MAP3K15: variants seen among roughly 807,000 people sequenced by gnomAD.
MAP3K15 encodes the protein MAPK/ERK kinase kinase 15.
MAP3K15 carries 124 observed loss-of-function variants against 99.5 expected under a neutral mutation model. That is an observed-to-expected ratio of 1.25 (90% confidence interval 1.08 to 1.45). The LOEUF (loss-of-function observed/expected upper bound fraction) is 1.45. Ranked by LOEUF, MAP3K15 falls within the 40% of genes most tolerant of loss-of-function variation. The pLI is 0.00. For synonymous variants in MAP3K15, 494 were observed against 439.6 expected, an observed-to-expected ratio of 1.12 and a Z score of -1.55; for missense variants, 1,242 against 1,079.7, an observed-to-expected ratio of 1.15 and a Z score of -2.11.
At chrX:19,490,180 C>CACACACAT (rs1478553894) in intron 1 of MAP3K15, among the ~76,000 whole-genome samples, 37 of 95,119 alleles carry the variant, frequency 3.9e-4, no homozygotes, top group Admixed American at 2.2e-4. Context: ...CACACACACA[C>CACACACAT]ACACATACAT....
chrX:19,367,036 C>CAT (rs1305562507), intron 25 of MAP3K15, among the ~76,000 whole-genome samples: 1 of 112,007 alleles, frequency 8.9e-6, no homozygotes, highest in Non-Finnish European at 1.9e-5. Context: ...GATACATGCA[C>CAT]ATATATGTTC....
chrX:19,402,749 C>T (rs964964786), intron 13 of MAP3K15, among the ~76,000 whole-genome samples: 4 of 111,435 alleles, frequency 3.6e-5, no homozygotes, highest in Non-Finnish European at 5.7e-5. Context: ...ACTGCAGTCT[C>T]GACCTCACAG....
rs1417760663 is a variant in MAP3K15, at chrX:19,454,940, A to C, written c.995+1973T>G. The stretch of plus-strand genomic sequence containing the variant: ...CTCAAAAAGTTTTGGATTTAGGAGC[A>C]CTTTTCAATTCAGATTTTCAGATTA... On this transcript the variant is annotated intron_variant, in intron 6 of 28. Coordinates refer to ENST00000338883, the MANE Select transcript of MAP3K15 (RefSeq NM_001001671.4). Among the ~76,000 whole-genome samples the C allele has an allele frequency of 6.2e-5, 7 of 112,074 alleles. No individual in the cohort carries two copies. In the South Asian group the frequency reaches 1.1e-3, roughly 18 times the overall value.
At chrX:19,414,680 A>G (rs1310441111) in intron 10 of MAP3K15, among the ~76,000 whole-genome samples, 1 of 112,443 alleles carries the variant, frequency 8.9e-6, no homozygotes, top group Non-Finnish European at 1.9e-5. Context: ...GTGGTGCTAC[A>G]TTGTTTTAGA....
intron 18 of MAP3K15, among the ~76,000 whole-genome samples, chrX:19,387,969 G>A (rs2063503468): frequency 8.9e-6 from 1 of 111,879 alleles, no homozygotes; most frequent in Non-Finnish European, 1.9e-5. Flanking sequence ...CCCACAGCAC[G>A]CAAAGCCAGC....
chrX:19,365,176 T>C (rs1010020784), intron 25 of MAP3K15, among the ~76,000 whole-genome samples: 8 of 106,902 alleles, frequency 7.5e-5, no homozygotes, highest in African/African-American at 2.7e-4. Flanking sequence ...ACCACTGCAC[T>C]CTAGCCTGGG....
Position 19,464,336 on chromosome X carries a change from C to T in MAP3K15, c.596G>A (p.Ser199Asn), listed in dbSNP as rs55916006. 5.7e-3 allele frequency: 6,831 copies of T among 1,196,954 alleles called. 24 individuals are homozygous for T. Among genetic ancestry groups the T allele is most frequent in the Middle Eastern group, 9.9e-3 (43 of 4,346 alleles). ...TPCADYFCCE[S>N]DAQRRASEYM... ...CTCGGAGGCTCGTCTCTGGGCATCA[C>T]TCTCGCAGCAAAAATAATCAGCGCA... The change falls in exon 4 of 29, where the codon AGT becomes AAT. Residue 199 changes from serine to asparagine, a missense_variant. By Grantham distance (46) the Ser-to-Asn change is conservative. Coordinates refer to ENST00000338883, the MANE Select transcript of MAP3K15 (RefSeq NM_001001671.4).
At chrX:19,432,343 C>G (rs995502908) in intron 6 of MAP3K15, among the ~76,000 whole-genome samples, 1 of 110,537 alleles carries the variant, frequency 9.0e-6, no homozygotes, top group Non-Finnish European at 1.9e-5. Flanking sequence ...GCGGGTGGAT[C>G]ACTTAAGGTC....
At chrX:19,376,908 A>G (rs2063422410) in intron 19 of MAP3K15, 1 of 111,712 alleles carries the variant, frequency 9.0e-6, no homozygotes, top group African/African-American at 3.3e-5. Context: ...AAAGAAAAAA[A>G]AAAAGTCCAA....
intron 20 of MAP3K15, 136 bp from the exon 21 acceptor site, chrX:19,373,831 G>A (rs2063398721): frequency 3.0e-6 from 2 of 659,262 alleles, no homozygotes; most frequent in African/African-American, 2.2e-5. Context: ...TTGGGCGGGG[G>A]ACGGGCCACA....
Position 19,438,637 on chromosome X carries a change from C to T in MAP3K15, c.996-7029G>A, listed in dbSNP as rs188842159. Among the ~76,000 whole-genome samples the T allele has an allele frequency of 4.5e-3, 505 of 111,807 alleles. 3 individuals are homozygous for T. The highest frequency in any genetic ancestry group is 0.016 in the African/African-American group (487 of 30,795). Reference sequence around the variant, plus strand: ...TGACTTGCCATCAACCATCCTGTCTCCCTGGCCCTCTTTTCTATACTGTGT... The same window carrying T: ...TGACTTGCCATCAACCATCCTGTCTTCCTGGCCCTCTTTTCTATACTGTGT... On this transcript the variant is annotated intron_variant, in intron 6 of 28. Coordinates refer to ENST00000338883, the MANE Select transcript of MAP3K15 (RefSeq NM_001001671.4).
intron 13 of MAP3K15, among the ~76,000 whole-genome samples, chrX:19,402,142 T>A (rs900359582): frequency 4.8e-5 from 5 of 104,362 alleles, no homozygotes; most frequent in Non-Finnish European, 7.8e-5. Context: ...TTTTTTTTTT[T>A]AAATTAGCCA....
At chrX:19,426,402 G>C (rs1184319056) in intron 7 of MAP3K15, 59 bp from the exon 8 acceptor site, 1 of 689,358 alleles carries the variant, frequency 1.5e-6, no homozygotes, top group Non-Finnish European at 2.0e-6. Context: ...TTTAAATAAT[G>C]GTATAAACCA....
At chrX:19,461,065 C>T (rs776220024) in intron 4 of MAP3K15, among the ~76,000 whole-genome samples, 8 of 111,757 alleles carry the variant, frequency 7.2e-5, no homozygotes, top group African/African-American at 2.6e-4. Context: ...CTGCAAGCTC[C>T]GCCTCCTGGG....
At chrX:19,383,965 T>C (rs768142213) in intron 18 of MAP3K15, among the ~76,000 whole-genome samples, 25 of 111,808 alleles carry the variant, frequency 2.2e-4, no homozygotes, top group Non-Finnish European at 4.3e-4. Context: ...TATCATAGGA[T>C]CCGGCAACCC....
At chrX:19,467,344 C>A (rs2064175549) in intron 3 of MAP3K15, among the ~76,000 whole-genome samples, 1 of 110,486 alleles carries the variant, frequency 9.1e-6, no homozygotes, top group African/African-American at 3.3e-5. Flanking sequence ...GAAGACCAGG[C>A]CACCAACATT....
At chrX:19,371,920 G>A (rs1232738706) in intron 22 of MAP3K15, among the ~76,000 whole-genome samples, 2 of 111,037 alleles carry the variant, frequency 1.8e-5, no homozygotes, top group African/African-American at 6.6e-5. Flanking sequence ...ATCACCTGAG[G>A]TCAGGAGTTC....
At chrX:19,487,990 T>C (rs1227312251) in intron 2 of MAP3K15, among the ~76,000 whole-genome samples, 1 of 110,870 alleles carries the variant, frequency 9.0e-6, no homozygotes, top group Admixed American at 9.7e-5. Context: ...TGTGATGTAA[T>C]TGGTCTGGGG....
chrX:19,475,968 C>T (rs2064239737), intron 3 of MAP3K15, among the ~76,000 whole-genome samples: 1 of 111,898 alleles, frequency 8.9e-6, no homozygotes, highest in African/African-American at 3.3e-5. Context: ...AAGCCAAGGT[C>T]CCTCATTACA....
Sources: gnomAD v4.1 joint callset for allele counts (sites outside exome capture counted in the v4.1 genomes callset) on GRCh38, gnomAD v4.1.1 for gene constraint, MANE v1.5 for transcripts, NCBI Gene and HGNC (gene_info 2026-07-23, HGNC 2026-07-21) for gene names.